The following PHETA1 variants were observed in gnomAD, a reference collection of about 807,000 sequenced individuals.
PHETA1 encodes the protein sesquipedalian-1.
For missense variants in PHETA1, 348 were observed against 373.5 expected, an observed-to-expected ratio of 0.93 and a Z score of 0.56; for synonymous variants, 155 against 168.9, an observed-to-expected ratio of 0.92 and a Z score of 0.64.
chr12:111,363,133 C>T lies in PHETA1; in HGVS notation c.295G>A (p.Asp99Asn). The T allele has an allele frequency of 6.2e-7, 1 of 1,609,374 alleles. No individual in the cohort carries two copies. Among genetic ancestry groups the T allele is most frequent in the Non-Finnish European group, 8.5e-7 (1 of 1,179,536 alleles). Residue 99 changes from aspartate (D) to asparagine (N), a missense_variant, in exon 3 of 3, where the codon GAT (aspartate) becomes AAT (asparagine). Asp to Asn is a conservative substitution (Grantham distance 23). Transcript: ENST00000683047. This position sits in a 1 kb window ranked among gnomAD's most constrained non-coding sequence, Gnocchi z 7.4. Reference protein sequence around the residue: ...RTYVLAAESQDAMEGWVKALS... With the variant: ...RTYVLAAESQNAMEGWVKALS... ...GCCTTGACCCAGCCCTCCATGGCAT[C>T]CTGACTCTCAGCGGCCAGCACGTAG... is the stretch of plus-strand genomic sequence containing the variant.
chr12:111,362,659 A>C lies in PHETA1; in HGVS notation c.*19T>G. The C allele has an allele frequency of 1.3e-6, 2 of 1,549,136 alleles. No homozygotes were observed. Among genetic ancestry groups the C allele is most frequent in the East Asian group, 4.9e-5 (2 of 40,896 alleles). ...GGGCATAGAGCTTGTGTCCCCCTAA[A>C]ACAGGCGCCCTGGTGGCCTCAGGGC... On this transcript the variant is annotated 3_prime_UTR_variant, in exon 3 of 3. Coordinates refer to ENST00000683047, the MANE Select transcript of PHETA1 (RefSeq NM_144671.6).
chr12:111,367,279 G>GC lies in PHETA1; in HGVS notation c.-181-1023dup, dbSNP rs1473773019. ...TCCCTGGCCACCCTATGCACAAGAG[G>GC]CCCCCCAGTCCCTCTCCTGTGCCTC... On this transcript the variant is annotated intron_variant, in intron 1 of 2. Transcript: ENST00000683047. This position sits in a 1 kb window ranked among gnomAD's most constrained non-coding sequence, Gnocchi z 4.0. Among the ~76,000 whole-genome samples, 1 of 152,122 alleles carries GC rather than the reference G, an allele frequency of 6.6e-6. No homozygotes were observed. The highest frequency in any genetic ancestry group is 2.4e-5 in the African/African-American group (1 of 41,390).
Position 111,362,928 on chromosome 12 carries a change from G to A in PHETA1, c.500C>T (p.Ala167Val), listed in dbSNP as rs141906637. 3.3e-6 allele frequency: 5 copies of A among 1,494,666 alleles called. No homozygotes were observed. The highest frequency in any genetic ancestry group is 4.4e-6 in the Non-Finnish European group (5 of 1,126,708). 92.6% of individuals were successfully genotyped at this position (1,494,666 alleles called of 1,614,324 possible). Reference sequence around the variant, plus strand: ...GGGCAGGGGCAGGGCTGGGACCGGGGCTGGGGCAGAAGGCAGGGATGGGAC... The same window carrying A: ...GGGCAGGGGCAGGGCTGGGACCGGGACTGGGGCAGAAGGCAGGGATGGGAC... ...APVPSLPSAP[A>V]PVPALPLPRR... The change falls in exon 3 of 3, where the codon GCC (alanine) becomes GTC (valine). Residue 167 changes from alanine to valine, a missense_variant. Transcript: ENST00000683047.
chr12:111,362,253 C>A lies in PHETA1; in HGVS notation c.*425G>T, dbSNP rs564773646. 9 of 375,210 alleles carry A rather than the reference C, an allele frequency of 2.4e-5. No homozygotes were observed. The highest frequency in any genetic ancestry group is 1.9e-4 in the South Asian group (9 of 48,306). The allele number at this position is 375,210 out of a possible 1,614,324, so 23.2% of individuals were successfully genotyped here. On this transcript the variant is annotated 3_prime_UTR_variant, in exon 3 of 3. Coordinates refer to ENST00000683047, the MANE Select transcript of PHETA1 (RefSeq NM_144671.6). The stretch of plus-strand genomic sequence containing the variant: ...ATCCTCCCTCTGTCCACCCTGAAGG[C>A]CTGGTCAGGAGCTGCACTAACTGTG...
rs201849141 is a variant in PHETA1, at chr12:111,363,045, G to A, written c.383C>T (p.Ala128Val). Reference sequence around the variant, plus strand: ...CATGCCACCCCCGCCACGTACAGCCGCCAGCTGCTGCTCCAGCTCGCGCAC... The same window carrying A: ...CATGCCACCCCCGCCACGTACAGCCACCAGCTGCTGCTCCAGCTCGCGCAC... ...LVVRELEQQL[A>V]AVRGGGGMAL... Residue 128 changes from alanine (A) to valine (V), a missense_variant, in exon 3 of 3, where the codon GCG becomes GTG. Transcript: ENST00000683047. This position sits in a 1 kb window ranked among gnomAD's most constrained non-coding sequence, Gnocchi z 7.4. 2,272 of 1,556,528 alleles carry A rather than the reference G, an allele frequency of 1.5e-3. 3 individuals carry two copies. Among genetic ancestry groups the A allele is most frequent in the Non-Finnish European group, 1.8e-3 (2,086 of 1,157,020 alleles).
rs1057412930 is a variant in PHETA1 at position 111,363,641 on chromosome 12, G to A, written c.-36-178C>T. ...CTCCTAAGAAGCAGAGACAGGACTG[G>A]AACCTGGGTCTCACGGGCCTCCCCA... On this transcript the variant is annotated intron_variant, in intron 2 of 2. Coordinates refer to ENST00000683047, the MANE Select transcript of PHETA1 (RefSeq NM_144671.6). The surrounding 1 kb of genome is among the most constrained non-coding windows in gnomAD (Gnocchi z 7.4). The A allele has an allele frequency of 3.9e-6, 6 of 1,534,738 alleles. No homozygotes were observed. Among genetic ancestry groups the A allele is most frequent in the Non-Finnish European group, 5.2e-6 (6 of 1,146,572 alleles).
At chr12:111,364,242 G>A (rs1868881602) in intron 2 of PHETA1, among the ~76,000 whole-genome samples, 2 of 151,846 alleles carry the variant, frequency 1.3e-5, no homozygotes, top group Non-Finnish European at 2.9e-5. Context: ...AGCTACTCGG[G>A]AGGCTGAGGC....
chr12:111,365,327 G>T (rs553765952), intron 2 of PHETA1, among the ~76,000 whole-genome samples: 1 of 152,222 alleles, frequency 6.6e-6, no homozygotes, highest in African/African-American at 2.4e-5. Context: ...CTCAGAGCCT[G>T]GTGGAATGAG....
rs1484909313 is a variant in PHETA1 at position 111,362,631 on chromosome 12, A to G, written c.*47T>C. On this transcript the variant is annotated 3_prime_UTR_variant, in exon 3 of 3. Transcript: ENST00000683047. Reference sequence around the variant, plus strand: ...GTCTCTCCAGGACCCGGCCTGTCCCAGAGGGCATAGAGCTTGTGTCCCCCT... The same window carrying G: ...GTCTCTCCAGGACCCGGCCTGTCCCGGAGGGCATAGAGCTTGTGTCCCCCT... 1.9e-6 allele frequency: 3 copies of G among 1,548,202 alleles called. No homozygotes were observed. The highest frequency in any genetic ancestry group is 2.4e-5 in the South Asian group (2 of 83,892).
Position 111,362,893 on chromosome 12 carries a change from T to C in PHETA1, c.535A>G (p.Ser179Gly), listed in dbSNP as rs1313616741. Residue 179 changes from serine to glycine, a missense_variant, in exon 3 of 3, where the codon AGT (serine) becomes GGT (glycine). Physicochemically the swap from Ser to Gly is moderately conservative, Grantham distance 56. Coordinates refer to ENST00000683047, the MANE Select transcript of PHETA1 (RefSeq NM_144671.6). ...VPALPLPRRP[S>G]ALPPKENGCA... ...CCATTCTCCTTGGGCGGGAGGGCAC[T>C]GGGCCGGCGGGGCAGGGGCAGGGCT... 2.9e-6 allele frequency: 4 copies of C among 1,371,272 alleles called. No homozygotes were observed. The highest frequency in any genetic ancestry group is 3.2e-5 in the African/African-American group (2 of 62,098). The allele number at this position is 1,371,272 out of a possible 1,614,324, so 84.9% of individuals were successfully genotyped here.
In PHETA1 at chr12:111,362,770, C is replaced by T. The variant is rs994545603; in HGVS notation, c.658G>A (p.Asp220Asn). ...RRASAPHGPL[D>N]MAPFARLHEC... ...TGCAGCCGGGCGAAGGGGGCCATGT[C>T]CAGGGGCCCGTGGGGTGCCGAGGCC... The change falls in exon 3 of 3, where the codon GAC (aspartate) becomes AAC (asparagine). Residue 220 changes from aspartate (D) to asparagine (N), a missense_variant. By Grantham distance (23) the Asp-to-Asn change is conservative (BLOSUM62 1). Coordinates refer to ENST00000683047, the MANE Select transcript of PHETA1 (RefSeq NM_144671.6). 1 of 1,540,550 alleles carries T rather than the reference C, an allele frequency of 6.5e-7. No homozygotes were observed. Among genetic ancestry groups the T allele is most frequent in the African/African-American group, 1.4e-5 (1 of 73,100 alleles).
At position 111,362,942 on chromosome 12, in the gene PHETA1, C is replaced by T. The variant is rs759578647; in HGVS notation, c.486G>A (p.Leu162=). The part of the protein sequence containing the change: ...LPSALAPVPS[L]PSAPAPVPAL... ...CTGGGACCGGGGCTGGGGCAGAAGGCAGGGATGGGACTGGGGCCAGGGCAG... is the reference window on the plus strand; with the variant it reads ...CTGGGACCGGGGCTGGGGCAGAAGGTAGGGATGGGACTGGGGCCAGGGCAG... The change falls in exon 3 of 3, where the codon CTG becomes CTA. Residue 162 remains leucine (L), a synonymous_variant. Transcript: ENST00000683047. The T allele has an allele frequency of 1.2e-5, 17 of 1,477,264 alleles. No homozygotes were observed. The African/African-American group carries it at 1.7e-4, about 15-fold the overall frequency. 91.5% of individuals were successfully genotyped at this position (1,477,264 alleles called of 1,614,324 possible).
chr12:111,366,526 A>G (rs550085528), intron 1 of PHETA1, among the ~76,000 whole-genome samples: 1 of 152,120 alleles, frequency 6.6e-6, no homozygotes, highest in East Asian at 1.9e-4. Flanking sequence ...TCAGTTGCCT[A>G]ATCTGTCCAC....
chr12:111,364,456 G>A (rs1003415256), intron 2 of PHETA1, among the ~76,000 whole-genome samples: 7 of 152,142 alleles, frequency 4.6e-5, no homozygotes, highest in Non-Finnish European at 7.3e-5. Flanking sequence ...CTGCCAGGTA[G>A]TCTCATGTTC....
In PHETA1 at chr12:111,362,557, G is replaced by A; in HGVS notation, c.*121C>T. The A allele has an allele frequency of 2.0e-6, 3 of 1,536,280 alleles. No individual in the cohort carries two copies. The highest frequency in any genetic ancestry group is 2.6e-6 in the Non-Finnish European group (3 of 1,146,152). On this transcript the variant is annotated 3_prime_UTR_variant, in exon 3 of 3. Coordinates refer to ENST00000683047, the MANE Select transcript of PHETA1 (RefSeq NM_144671.6). ...ATCCCCCAAAACCAGGCCACTCAGG[G>A]CCTGGGGGCCAGCCTTGCCCATGAT...
intron 2 of PHETA1, chr12:111,365,729 AG>A (rs1868985636): frequency 4.9e-6 from 1 of 205,062 alleles, no homozygotes; most frequent in Non-Finnish European, 9.0e-6. Flanking sequence ...ACATGGACAC[AG>A]GGAGGGGCAG....
chr12:111,363,242 G>GA lies in PHETA1; in HGVS notation c.185dup (p.Leu63ProfsTer34). On this transcript the variant is annotated frameshift_variant, in exon 3 of 3. Transcript: ENST00000683047. LOFTEE classifies it low-confidence loss of function (END_TRUNC). This position sits in a 1 kb window ranked among gnomAD's most constrained non-coding sequence, Gnocchi z 7.4. Reference sequence around the variant, plus strand: ...CCAGCTCCACAGTGCAGCCCTCCAGGATGATGACGCCCACGGGCTCACGGC... The same window carrying GA: ...CCAGCTCCACAGTGCAGCCCTCCAGGAATGATGACGCCCACGGGCTCACGGC... 1 of 1,613,294 alleles carries GA rather than the reference G, an allele frequency of 6.2e-7. No homozygotes were observed. The highest frequency in any genetic ancestry group is 8.5e-7 in the Non-Finnish European group (1 of 1,179,930).
Position 111,363,511 on chromosome 12 carries a change from T to TC in PHETA1, c.-36-49dup. 1 of 1,550,446 alleles carries TC rather than the reference T, an allele frequency of 6.4e-7. No individual in the cohort carries two copies. Among genetic ancestry groups the TC allele is most frequent in the Non-Finnish European group, 8.7e-7 (1 of 1,151,754 alleles). ...TATGCACAAGGCCACTGACGCTAGG[T>TC]CACCCAGTGCCCCAAGGGGACCTTG... On this transcript the variant is annotated intron_variant, in intron 2 of 2. Coordinates refer to ENST00000683047, the MANE Select transcript of PHETA1 (RefSeq NM_144671.6). This position sits in a 1 kb window ranked among gnomAD's most constrained non-coding sequence, Gnocchi z 7.4.
Position 111,362,425 on chromosome 12 carries a change from C to T in PHETA1, c.*253G>A. On this transcript the variant is annotated 3_prime_UTR_variant, in exon 3 of 3. Transcript: ENST00000683047. The stretch of plus-strand genomic sequence containing the variant: ...TTCTCAGGAAACCTCCCCCTCAGGC[C>T]CTGGATTCTCCTTAGTGTTGCACGT... 1 of 1,002,074 alleles carries T rather than the reference C, an allele frequency of 1.0e-6. No homozygotes were observed. Among genetic ancestry groups the T allele is most frequent in the Non-Finnish European group, 1.4e-6 (1 of 707,118 alleles). The allele number at this position is 1,002,074 out of a possible 1,614,324, so 62.1% of individuals were successfully genotyped here. A position where few individuals can be genotyped will look rare whatever the true frequency, so the allele number is the denominator to read the frequency against.
Sources: gnomAD v4.1 joint callset for allele counts (sites outside exome capture counted in the v4.1 genomes callset) on GRCh38, gnomAD v4.1.1 for gene constraint, Gnocchi (gnomAD v3.1) non-coding constraint, MANE v1.5 for transcripts, NCBI Gene and HGNC (gene_info 2026-07-23, HGNC 2026-07-21) for gene names.